The following ZMIZ1 variants were observed in gnomAD, a reference collection of about 807,000 sequenced individuals.
The protein encoded by ZMIZ1 is zinc finger MIZ-type containing 1.
Under a neutral mutation model 113.9 loss-of-function variants are expected in ZMIZ1, and 17 were observed. The observed-to-expected ratio is 0.15, with a 90% CI of 0.10 to 0.22. ZMIZ1 has a LOEUF of 0.22. ZMIZ1 is among the 10% of genes least tolerant of loss of function. The pLI is 1.00. For synonymous variants in ZMIZ1, 607 were observed against 603.1 expected (o/e 1.01, Z -0.09); for missense variants, 1,059 against 1,477.8 (o/e 0.72, Z 4.65).
rs879323555 is a variant in ZMIZ1, at chr10:79,075,211, A to T, written c.-337+5941A>T. On this transcript the variant is annotated intron_variant, in intron 1 of 24. Coordinates refer to ENST00000334512, the MANE Select transcript of ZMIZ1 (RefSeq NM_020338.4). ...GTGTCGTGTTTTTCTGTAGAAACTGAGTATCGCAGACTGTCAGAGTGGACA... is the reference window on the plus strand; with the variant it reads ...GTGTCGTGTTTTTCTGTAGAAACTGTGTATCGCAGACTGTCAGAGTGGACA... Among the ~76,000 whole-genome samples, 350 of 152,264 alleles carry T rather than the reference A, an allele frequency of 2.3e-3. 2 individuals carry two copies. Among genetic ancestry groups the T allele is most frequent in the Non-Finnish European group, 4.2e-3 (285 of 68,012 alleles).
chr10:79,090,554 G>A (rs527564517), intron 1 of ZMIZ1, among the ~76,000 whole-genome samples: 1 of 152,312 alleles, frequency 6.6e-6, no homozygotes, highest in Non-Finnish European at 1.5e-5. Flanking sequence ...TATTTCTCCA[G>A]AAATCTGTGT....
intron 4 of ZMIZ1, among the ~76,000 whole-genome samples, chr10:79,196,388 GC>G (rs1847833789): frequency 6.6e-6 from 1 of 152,194 alleles, no homozygotes; most frequent in South Asian, 2.1e-4. Context: ...CCTGGACCCA[GC>G]CCAGTGCCCC....
intron 4 of ZMIZ1, among the ~76,000 whole-genome samples, chr10:79,180,552 C>T (rs1194668282): frequency 6.6e-6 from 1 of 152,204 alleles, no homozygotes; most frequent in Non-Finnish European, 1.5e-5. Flanking sequence ...CGCCCCTTTG[C>T]ACAGTCTGGC....
At chr10:79,263,027 G>A (rs759268933) in intron 7 of ZMIZ1, among the ~76,000 whole-genome samples, 8 of 152,256 alleles carry the variant, frequency 5.3e-5, no homozygotes, top group Non-Finnish European at 1.2e-4. Context: ...ATGGATAAGA[G>A]GGAAAACCCT....
intron 7 of ZMIZ1, among the ~76,000 whole-genome samples, chr10:79,273,791 G>T (rs1311626071): frequency 6.6e-6 from 1 of 152,278 alleles, no homozygotes; most frequent in Non-Finnish European, 1.5e-5. Flanking sequence ...GTATCTCACT[G>T]CCAATTGCTT....
chr10:79,128,353 T>G (rs1844608007), intron 2 of ZMIZ1, among the ~76,000 whole-genome samples: 1 of 152,192 alleles, frequency 6.6e-6, no homozygotes, highest in Non-Finnish European at 1.5e-5. Context: ...TGCTGTTCAT[T>G]TTGTCATACC....
At chr10:79,220,375 C>T (rs1443542038) in intron 7 of ZMIZ1, among the ~76,000 whole-genome samples, 4 of 152,318 alleles carry the variant, frequency 2.6e-5, no homozygotes, top group African/African-American at 9.6e-5. Context: ...CCACTGTCCT[C>T]TCTCCCCTCG....
intron 1 of ZMIZ1, among the ~76,000 whole-genome samples, chr10:79,104,950 G>GGTGTGTGTGT (rs58453718): frequency 1.5e-3 from 211 of 140,180 alleles, no homozygotes; most frequent in Non-Finnish European, 2.1e-3. Context: ...GTTGTTGTGG[G>GGTGTGTGTGT]GTGTGTGTGT....
chr10:79,286,306 C>G (rs1247540042), intron 8 of ZMIZ1, among the ~76,000 whole-genome samples: 1 of 152,246 alleles, frequency 6.6e-6, no homozygotes, highest in Non-Finnish European at 1.5e-5. Flanking sequence ...AGGGACCAGG[C>G]ATTCCCCCGG....
chr10:79,212,547 T>C (rs1178790500), intron 6 of ZMIZ1, among the ~76,000 whole-genome samples: 1 of 151,794 alleles, frequency 6.6e-6, no homozygotes, highest in Non-Finnish European at 1.5e-5. Flanking sequence ...AGGTCAGGAG[T>C]TAAAGACCAG....
intron 1 of ZMIZ1, among the ~76,000 whole-genome samples, chr10:79,072,037 TG>T (rs1842305229): frequency 6.6e-6 from 1 of 152,110 alleles, no homozygotes; most frequent in Non-Finnish European, 1.5e-5. Flanking sequence ...TTTGGCATTT[TG>T]GGTAGGGCTT....
intron 7 of ZMIZ1, among the ~76,000 whole-genome samples, chr10:79,262,806 G>A (rs1851351215): frequency 6.6e-6 from 1 of 152,224 alleles, no homozygotes; most frequent in Non-Finnish European, 1.5e-5. Flanking sequence ...AATGAATGGA[G>A]ACCAGTCTGG....
chr10:79,162,652 T>C (rs1378514724), intron 4 of ZMIZ1, among the ~76,000 whole-genome samples: 1 of 152,240 alleles, frequency 6.6e-6, no homozygotes, highest in Admixed American at 6.5e-5. Flanking sequence ...TTTACCCATC[T>C]ATCAAATGGG....
At chr10:79,171,876 G>A (rs1353404751) in intron 4 of ZMIZ1, among the ~76,000 whole-genome samples, 2 of 152,194 alleles carry the variant, frequency 1.3e-5, no homozygotes, top group Non-Finnish European at 2.9e-5. Context: ...GCCCAGCAAG[G>A]ACGGAGCCAT....
chr10:79,229,608 G>A (rs181643932), intron 7 of ZMIZ1, among the ~76,000 whole-genome samples: 22 of 152,132 alleles, frequency 1.4e-4, no homozygotes, highest in African/African-American at 4.8e-4. Context: ...TATAATGACG[G>A]CAGAAACTCA....
chr10:79,205,503 G>GAGAACC (rs1848282045), intron 5 of ZMIZ1, among the ~76,000 whole-genome samples: 1 of 152,206 alleles, frequency 6.6e-6, no homozygotes, highest in African/African-American at 2.4e-5. Context: ...AAGAGAAACA[G>GAGAACC]AGAACCGTGG....
At chr10:79,075,567 A>ATGCACACACATGCACACC (rs1564635824) in intron 1 of ZMIZ1, among the ~76,000 whole-genome samples, 3 of 49,372 alleles carry the variant, frequency 6.1e-5, no homozygotes, top group African/African-American at 1.8e-4. Context: ...CTGCACACAC[A>ATGCACACACATGCACACC]TGCACACACA....
chr10:79,282,163 C>G (rs1852780431), intron 8 of ZMIZ1, among the ~76,000 whole-genome samples: 1 of 152,338 alleles, frequency 6.6e-6, no homozygotes, highest in South Asian at 2.1e-4. Flanking sequence ...CATAAGTCCT[C>G]AGTGCAATTT....
At chr10:79,243,720 C>A in intron 7 of ZMIZ1, 2 of 292,088 alleles carry the variant, frequency 6.8e-6, no homozygotes, top group Non-Finnish European at 1.3e-5. Flanking sequence ...GGCGGGATCG[C>A]GACCGGTGCA....
Sources: gnomAD v4.1 joint callset for allele counts (sites outside exome capture counted in the v4.1 genomes callset) on GRCh38, gnomAD v4.1.1 for gene constraint, MANE v1.5 for transcripts, NCBI Gene and HGNC (gene_info 2026-07-23, HGNC 2026-07-21) for gene names.